Variants in HDAC9 observed in about 807,000 individuals in gnomAD.
HDAC9 encodes the protein histone deacetylase 9.
A neutral mutation model predicts 139.4 loss-of-function variants in HDAC9; 41 were observed. The observed-to-expected ratio is 0.29, with a 90% CI of 0.23 to 0.38. The LOEUF (loss-of-function observed/expected upper bound fraction) is 0.38. Among genes scored for constraint, HDAC9 ranks in the 10% least tolerant of loss-of-function variants. The probability of loss-of-function intolerance (pLI) is 1.00; values close to 1 mark genes in which losing one functional copy is unlikely to be tolerated. For missense variants in HDAC9, 1,147 were observed against 1,297.0 expected, an observed-to-expected ratio of 0.88 and a Z score of 1.78; for synonymous variants, 517 against 476.2, an observed-to-expected ratio of 1.09 and a Z score of -1.12.
intron 2 of HDAC9, among the ~76,000 whole-genome samples, chr7:18,207,079 TTTTG>T (rs1228173827): frequency 6.6e-6 from 1 of 151,744 alleles, no homozygotes; most frequent in Admixed American, 6.6e-5. Flanking sequence ...TGGGAATTGT[TTTTG>T]TTTGTTTGTT....
At chr7:18,092,172 G>A (rs1782202464) in intron 1 of HDAC9, among the ~76,000 whole-genome samples, 1 of 152,086 alleles carries the variant, frequency 6.6e-6, no homozygotes, top group Admixed American at 6.5e-5. Flanking sequence ...AACTGCTTGA[G>A]TCCAGGAGTT....
chr7:18,197,279 G>A (rs1013036691), intron 2 of HDAC9, among the ~76,000 whole-genome samples: 4 of 151,970 alleles, frequency 2.6e-5, no homozygotes, highest in East Asian at 3.9e-4. Context: ...TGACTAATAC[G>A]CGTAGTATAT....
At chr7:18,708,572 C>T (rs1196399502) in intron 12 of HDAC9, among the ~76,000 whole-genome samples, 8 of 151,988 alleles carry the variant, frequency 5.3e-5, no homozygotes, top group Non-Finnish European at 1.0e-4. Flanking sequence ...AGAGTTTGTA[C>T]TGGAAAGGGA....
chr7:18,563,480 A>G (rs1426978235), intron 2 of HDAC9, among the ~76,000 whole-genome samples: 1 of 152,090 alleles, frequency 6.6e-6, no homozygotes, highest in East Asian at 1.9e-4. Flanking sequence ...CCCATTTTCC[A>G]TCCCCTAATA....
chr7:18,869,923 T>G (rs1006090060), intron 21 of HDAC9, among the ~76,000 whole-genome samples: 14 of 151,850 alleles, frequency 9.2e-5, no homozygotes, highest in Non-Finnish European at 1.8e-4. Flanking sequence ...TCAATTTCCT[T>G]ATTCCGGAAA....
chr7:18,393,644 A>G (rs553903921), intron 1 of HDAC9, among the ~76,000 whole-genome samples: 1 of 152,194 alleles, frequency 6.6e-6, no homozygotes, highest in African/African-American at 2.4e-5. Flanking sequence ...TTAAAGCCAC[A>G]GAATTTTAGA....
At chr7:18,155,780 G>A (rs1787147964) in intron 1 of HDAC9, among the ~76,000 whole-genome samples, 1 of 152,158 alleles carries the variant, frequency 6.6e-6, no homozygotes, top group African/African-American at 2.4e-5. Flanking sequence ...TGCAGGTGGG[G>A]AGTGAAACCA....
chr7:18,435,121 A>C (rs987491173), intron 1 of HDAC9, among the ~76,000 whole-genome samples: 4 of 150,642 alleles, frequency 2.7e-5, no homozygotes, highest in Admixed American at 6.6e-5. Context: ...GGATGGAGCT[A>C]GAGGCCATTA....
chr7:18,632,934 A>T (rs1782785616), intron 7 of HDAC9, among the ~76,000 whole-genome samples: 1 of 151,992 alleles, frequency 6.6e-6, no homozygotes, highest in Admixed American at 6.6e-5. Context: ...AAAAATAGAG[A>T]TATGCAGGAA....
chr7:18,990,516 G>A (rs762440779), intron 25 of HDAC9, among the ~76,000 whole-genome samples: 2 of 152,206 alleles, frequency 1.3e-5, no homozygotes, highest in African/African-American at 2.4e-5. Flanking sequence ...TCTGTGCCCT[G>A]CCCCCAGAGG....
intron 1 of HDAC9, among the ~76,000 whole-genome samples, chr7:18,295,329 G>T (rs1798073275): frequency 6.6e-6 from 1 of 152,108 alleles, no homozygotes. Context: ...GATTATCCAT[G>T]TCAAATGCTA....
At chr7:18,602,080 A>G (rs1307813719) in intron 6 of HDAC9, among the ~76,000 whole-genome samples, 1 of 152,104 alleles carries the variant, frequency 6.6e-6, no homozygotes, top group Non-Finnish European at 1.5e-5. Flanking sequence ...TAGTGAAACC[A>G]TTTGGACCTG....
chr7:18,110,156 G>T (rs1002103799), intron 1 of HDAC9, among the ~76,000 whole-genome samples: 3 of 152,152 alleles, frequency 2.0e-5, no homozygotes, highest in Non-Finnish European at 2.9e-5. Flanking sequence ...CAGCTTCTTG[G>T]ACGTGCACTT....
intron 2 of HDAC9, among the ~76,000 whole-genome samples, chr7:18,544,612 T>G (rs1212506829): frequency 6.6e-6 from 1 of 152,126 alleles, no homozygotes; most frequent in Non-Finnish European, 1.5e-5. Flanking sequence ...TCTGGGACAC[T>G]CCACCATTTA....
chr7:18,837,050 C>T (rs1448247168), intron 21 of HDAC9, among the ~76,000 whole-genome samples: 2 of 151,644 alleles, frequency 1.3e-5, no homozygotes, highest in African/African-American at 2.4e-5. Context: ...ATGCATACTT[C>T]GTTGTCTTAT....
rs190082023 is a variant in HDAC9 at position 18,308,385 on chromosome 7, G to A, written c.-42+17870G>A. 2.6e-4 allele frequency among the ~76,000 whole-genome samples: 40 copies of A among 152,226 alleles called. No individual in the cohort carries two copies. In the East Asian group the frequency reaches 7.5e-3, roughly 29 times the overall value. Reference sequence around the variant, plus strand: ...AAAAGAACTTTTCTTTTGAGGAAAAGGTACACTCGAACTCTGATCTGTAAT... The same window carrying A: ...AAAAGAACTTTTCTTTTGAGGAAAAAGTACACTCGAACTCTGATCTGTAAT... On this transcript the variant is annotated intron_variant, in intron 1 of 3. Coordinates refer to the HDAC9 transcript ENST00000413509.
In HDAC9 at chr7:18,775,385, A is replaced by G. The variant is rs185038214; in HGVS notation, c.2214+8230A>G. Among the ~76,000 whole-genome samples, 19 of 152,184 alleles carry G rather than the reference A, an allele frequency of 1.2e-4. 1 individual carries two copies. The East Asian group carries it at 3.7e-3, about 29-fold the overall frequency. ...AATCAAAGTATCTGAAAAGTGTAAT[A>G]AAGTGAAGCACAGTAAAACAAGGTG... On this transcript the variant is annotated intron_variant, in intron 16 of 25. Transcript: ENST00000686413.
intron 24 of HDAC9, among the ~76,000 whole-genome samples, chr7:18,959,475 A>G (rs757005028): frequency 6.6e-6 from 1 of 152,178 alleles, no homozygotes. Context: ...AAACATATAC[A>G]TGCACAAGGA....
chr7:18,132,592 CT>C (rs1785084896), intron 1 of HDAC9, among the ~76,000 whole-genome samples: 1 of 151,980 alleles, frequency 6.6e-6, no homozygotes, highest in African/African-American at 2.4e-5. Context: ...AGTTTTTAGC[CT>C]CCTTTTTGTG....
Sources: allele counts gnomAD v4.1 joint callset (sites outside exome capture counted in the v4.1 genomes callset), GRCh38; gene constraint gnomAD v4.1.1; transcripts MANE v1.5; gene names NCBI Gene and HGNC (gene_info 2026-07-23, HGNC 2026-07-21).